Variants in NIM1K observed in about 807,000 individuals in gnomAD.
NIM1K encodes the protein serine/threonine-protein kinase NIM1.
A neutral mutation model predicts 37.1 loss-of-function variants in NIM1K; 35 were observed. That is an observed-to-expected ratio of 0.94 (90% CI 0.72 to 1.25). The LOEUF is 1.25. Among genes scored for constraint, NIM1K ranks in the 50% most tolerant of loss-of-function variants. The pLI, the probability that NIM1K is intolerant of heterozygous loss-of-function variation, is 0.00. For synonymous variants in NIM1K, 234 were observed against 206.6 expected (o/e 1.13, Z -1.14); for missense variants, 564 against 548.0 (o/e 1.03, Z -0.29).
At chr5:43,271,309 C>G (rs1391812324) in intron 2 of NIM1K, among the ~76,000 whole-genome samples, 1 of 152,014 alleles carries the variant, frequency 6.6e-6, no homozygotes, top group African/African-American at 2.4e-5. Context: ...TTCAATTCTT[C>G]AAAGTCAGTC....
chr5:43,258,252 A>G (rs2112279999), intron 2 of NIM1K, among the ~76,000 whole-genome samples: 1 of 152,308 alleles, frequency 6.6e-6, no homozygotes, highest in Non-Finnish European at 1.5e-5. Context: ...TGTGACTACC[A>G]TCCATACTGT....
chr5:43,216,311 C>A (rs1401463228), intron 1 of NIM1K, among the ~76,000 whole-genome samples: 1 of 151,412 alleles, frequency 6.6e-6, no homozygotes, highest in Non-Finnish European at 1.5e-5. Flanking sequence ...GAATTTTGAA[C>A]TGTCATTCAT....
chr5:43,233,194 C>T lies in NIM1K; in HGVS notation c.-694-11888C>T, dbSNP rs927941615. The T allele has an allele frequency of 4.3e-5, 48 of 1,116,748 alleles. No homozygotes were observed. The African/African-American group carries it at 4.7e-4, about 11-fold the overall frequency. 69.2% of individuals were successfully genotyped at this position (1,116,748 alleles called of 1,614,324 possible). A position where few individuals can be genotyped will look rare whatever the true frequency, so the allele number is the denominator to read the frequency against. On this transcript the variant is annotated intron_variant, in intron 1 of 3. Coordinates refer to ENST00000326035, the MANE Select transcript of NIM1K (RefSeq NM_153361.4). ...CGCATGATTACTGCTTCACGGCTGCCGAGGCGATGGTGGAGACAAGGAGAG... is the reference window on the plus strand; with the variant it reads ...CGCATGATTACTGCTTCACGGCTGCTGAGGCGATGGTGGAGACAAGGAGAG...
At chr5:43,207,035 G>A (rs1752124022) in intron 1 of NIM1K, 5 of 735,752 alleles carry the variant, frequency 6.8e-6, no homozygotes, top group Middle Eastern at 3.9e-4. Context: ...ACCTAAGTTC[G>A]AGGAGGAGCC....
chr5:43,252,822 A>G (rs563597411), intron 2 of NIM1K, among the ~76,000 whole-genome samples: 75 of 152,208 alleles, frequency 4.9e-4, no homozygotes, highest in African/African-American at 1.1e-3. Context: ...TGTTGTCACA[A>G]ACAAAAGAAG....
chr5:43,204,725 A>G (rs926454770), intron 1 of NIM1K, among the ~76,000 whole-genome samples: 1 of 137,884 alleles, frequency 7.3e-6, no homozygotes, highest in Admixed American at 7.2e-5. Flanking sequence ...AAAAAGTCAC[A>G]GCTGGGTGTG....
chr5:43,238,081 C>T (rs1752646241), intron 1 of NIM1K, among the ~76,000 whole-genome samples: 4 of 133,736 alleles, frequency 3.0e-5, no homozygotes, highest in South Asian at 4.7e-4. Context: ...CTCGCTCTGT[C>T]GCCCAGGCTG....
intron 1 of NIM1K, among the ~76,000 whole-genome samples, chr5:43,238,345 T>A (rs1214684001): frequency 1.3e-5 from 2 of 151,966 alleles, no homozygotes; most frequent in Admixed American, 1.3e-4. Context: ...GCCCGGCCAA[T>A]TTAATTCTTT....
intron 1 of NIM1K, among the ~76,000 whole-genome samples, chr5:43,201,012 C>A (rs1444084427): frequency 5.3e-5 from 8 of 151,458 alleles, no homozygotes; most frequent in African/African-American, 1.9e-4. Context: ...GTAATCCCAG[C>A]TACTTCAGAA....
chr5:43,196,998 C>T (rs1318949569), intron 1 of NIM1K, among the ~76,000 whole-genome samples: 2 of 148,120 alleles, frequency 1.4e-5, no homozygotes, highest in Non-Finnish European at 3.0e-5. Flanking sequence ...GTTGCCCAGC[C>T]TGGTCTCAAA....
intron 1 of NIM1K, among the ~76,000 whole-genome samples, chr5:43,194,337 G>A (rs991578487): frequency 3.9e-5 from 6 of 152,306 alleles, no homozygotes; most frequent in African/African-American, 7.2e-5. Context: ...CATTGAATTT[G>A]CCTAGTAAAC....
intron 2 of NIM1K, among the ~76,000 whole-genome samples, chr5:43,266,318 T>C (rs771113585): frequency 1.3e-5 from 2 of 152,200 alleles, no homozygotes; most frequent in Non-Finnish European, 2.9e-5. Context: ...GCCTCAGCAA[T>C]GGCGGATGTC....
chr5:43,278,109 G>T (rs561976816), intron 3 of NIM1K, among the ~76,000 whole-genome samples: 1 of 148,564 alleles, frequency 6.7e-6, no homozygotes, highest in African/African-American at 2.5e-5. Context: ...GCAGTGGCAT[G>T]ATCTTGGCTC....
chr5:43,202,353 A>G (rs577184242), intron 1 of NIM1K, among the ~76,000 whole-genome samples: 9 of 151,992 alleles, frequency 5.9e-5, no homozygotes, highest in Non-Finnish European at 1.0e-4. Context: ...CTAGCCCCCA[A>G]ATTTGTTTTA....
chr5:43,227,107 T>C (rs760492312), intron 1 of NIM1K, among the ~76,000 whole-genome samples: 2 of 152,168 alleles, frequency 1.3e-5, no homozygotes, highest in African/African-American at 2.4e-5. Context: ...ATGCCTGTAA[T>C]CCCAGCACTT....
At chr5:43,224,118 G>T (rs1374156747) in intron 1 of NIM1K, among the ~76,000 whole-genome samples, 1 of 151,316 alleles carries the variant, frequency 6.6e-6, no homozygotes, top group African/African-American at 2.4e-5. Flanking sequence ...GCCCAGGCAG[G>T]TCTCGAACTC....
chr5:43,219,292 T>C (rs1053460986), intron 1 of NIM1K, among the ~76,000 whole-genome samples: 2 of 152,218 alleles, frequency 1.3e-5, no homozygotes, highest in Non-Finnish European at 2.9e-5. Flanking sequence ...GGTGTGGTAG[T>C]GCATACCTGT....
At chr5:43,208,598 T>C (rs1752153309) in intron 1 of NIM1K, among the ~76,000 whole-genome samples, 1 of 149,724 alleles carries the variant, frequency 6.7e-6, no homozygotes, top group South Asian at 2.1e-4. Flanking sequence ...CAGGACTCTG[T>C]CTCAAAAAAA....
chr5:43,256,061 T>C (rs1752941251), intron 2 of NIM1K, among the ~76,000 whole-genome samples: 1 of 151,984 alleles, frequency 6.6e-6, no homozygotes, highest in Admixed American at 6.6e-5. Flanking sequence ...CCTGGGATTT[T>C]ACAGGAGCCA....
Sources: gnomAD v4.1 joint callset for allele counts (sites outside exome capture counted in the v4.1 genomes callset) on GRCh38, gnomAD v4.1.1 for gene constraint, MANE v1.5 for transcripts, NCBI Gene and HGNC (gene_info 2026-07-23, HGNC 2026-07-21) for gene names.